THSD7B: variants seen among roughly 807,000 people sequenced by gnomAD.
The protein encoded by THSD7B is thrombospondin type 1 domain containing 7B.
THSD7B carries 138 observed loss-of-function variants against 213.6 expected under a neutral mutation model. The observed-to-expected ratio is 0.65, with a 90% CI of 0.56 to 0.74. THSD7B has a LOEUF of 0.74. THSD7B is among the 30% of genes least tolerant of loss of function. The pLI, the probability that THSD7B is intolerant of heterozygous loss-of-function variation, is 0.00. For missense variants in THSD7B, 1,931 were observed against 1,991.5 expected, an observed-to-expected ratio of 0.97 and a Z score of 0.58; for synonymous variants, 742 against 687.0, an observed-to-expected ratio of 1.08 and a Z score of -1.25.
intron 1 of THSD7B, among the ~76,000 whole-genome samples, chr2:136,793,734 T>C (rs115920950): frequency 0.036 from 5,400 of 152,032 alleles, 307 homozygotes; most frequent in African/African-American, 0.12. Flanking sequence ...GTGTAATTTA[T>C]TTTCTTGTAA....
chr2:137,619,126 T>G (rs1177610854), intron 19 of THSD7B, among the ~76,000 whole-genome samples: 1 of 152,220 alleles, frequency 6.6e-6, no homozygotes, highest in Non-Finnish European at 1.5e-5. Context: ...GTTGGCATTT[T>G]CTTGCCAACA....
intron 15 of THSD7B, among the ~76,000 whole-genome samples, chr2:137,557,012 C>T (rs1257222914): frequency 6.6e-6 from 1 of 152,122 alleles, no homozygotes; most frequent in Non-Finnish European, 1.5e-5. Flanking sequence ...TATATATGCA[C>T]CCAATACAGG....
At chr2:137,602,331 G>T (rs548963516) in intron 17 of THSD7B, among the ~76,000 whole-genome samples, 2 of 151,886 alleles carry the variant, frequency 1.3e-5, no homozygotes, top group Admixed American at 1.3e-4. Flanking sequence ...GTGCAGTGGC[G>T]CAATCTTGGC....
At chr2:137,202,957 G>A (rs1558956860) in intron 7 of THSD7B, among the ~76,000 whole-genome samples, 2 of 152,118 alleles carry the variant, frequency 1.3e-5, no homozygotes, top group African/African-American at 4.8e-5. Flanking sequence ...GGATAGATAG[G>A]TGATACATGT....
chr2:137,072,412 A>T (rs939689098), intron 3 of THSD7B, among the ~76,000 whole-genome samples: 2 of 149,374 alleles, frequency 1.3e-5, no homozygotes, highest in African/African-American at 5.0e-5. Flanking sequence ...TCTGTCTGTT[A>T]TTGGTGTATA....
chr2:137,267,933 T>G (rs1421411462), intron 10 of THSD7B, among the ~76,000 whole-genome samples: 1 of 152,204 alleles, frequency 6.6e-6, no homozygotes, highest in African/African-American at 2.4e-5. Context: ...CATCACTTTC[T>G]GAGAGCTACT....
intron 7 of THSD7B, among the ~76,000 whole-genome samples, chr2:137,211,147 C>G (rs1325223944): frequency 1.3e-5 from 2 of 151,858 alleles, no homozygotes; most frequent in Admixed American, 6.6e-5. Flanking sequence ...CCTCAAATAT[C>G]TTTCACTTTG....
intron 2 of THSD7B, among the ~76,000 whole-genome samples, chr2:136,999,683 G>A (rs921696784): frequency 2.6e-5 from 4 of 151,994 alleles, no homozygotes; most frequent in Non-Finnish European, 5.9e-5. Context: ...GCATTGTGAG[G>A]AGAAACTCAC....
chr2:136,803,941 C>T (rs192017086), intron 1 of THSD7B, among the ~76,000 whole-genome samples: 14 of 152,262 alleles, frequency 9.2e-5, no homozygotes, highest in Middle Eastern at 3.4e-3. Flanking sequence ...ATGGACTGGA[C>T]GAGGCCCAGT....
intron 1 of THSD7B, among the ~76,000 whole-genome samples, chr2:136,858,998 T>TG (rs1291681728): frequency 6.6e-6 from 1 of 152,216 alleles, no homozygotes; most frequent in African/African-American, 2.4e-5. Flanking sequence ...AAATGCTGGT[T>TG]GGGCTGACAG....
chr2:137,627,428 G>A (rs1682652098), intron 20 of THSD7B, among the ~76,000 whole-genome samples: 1 of 152,196 alleles, frequency 6.6e-6, no homozygotes, highest in South Asian at 2.1e-4. Context: ...TGGGAAGGGA[G>A]GATGGGATAC....
chr2:136,775,883 G>T (rs1438419349), intron 1 of THSD7B, among the ~76,000 whole-genome samples: 1 of 152,116 alleles, frequency 6.6e-6, no homozygotes, highest in African/African-American at 2.4e-5. Context: ...TCATCAAGAA[G>T]ACATTTCTTC....
In THSD7B at chr2:136,868,728, C is replaced by T. The variant is rs552168224; in HGVS notation, c.-35-13416C>T. ...TTCTTATAAAGCTCCTTAGAGTAAC[C>T]GTTAAATGTCAGCCTACATAAAATC... On this transcript the variant is annotated intron_variant, in intron 1 of 27. Coordinates refer to ENST00000409968, the MANE Select transcript of THSD7B (RefSeq NM_001316349.2). Among the ~76,000 whole-genome samples the T allele has an allele frequency of 3.9e-5, 6 of 152,062 alleles. No homozygotes were observed. In the South Asian group the frequency reaches 6.2e-4, roughly 16 times the overall value.
At position 137,056,731 on chromosome 2, in the gene THSD7B, C is replaced by A; in HGVS notation, c.451C>A (p.Arg151=). 2 of 1,613,946 alleles carry A rather than the reference C, an allele frequency of 1.2e-6. No homozygotes were observed. The highest frequency in any genetic ancestry group is 1.1e-5 in the South Asian group (1 of 91,076). ...RMVRCIQKLN[R]TVVANEICEH... ...GGTGCGCTGCATTCAGAAGCTGAAC[C>A]GAACTGTGGTTGCAAATGAAATATG... Residue 151 remains arginine, a synonymous_variant, in exon 3 of 28, where the codon CGA becomes AGA. Transcript: ENST00000409968.
intron 10 of THSD7B, among the ~76,000 whole-genome samples, chr2:137,268,908 G>C (rs556325798): frequency 3.5e-4 from 53 of 152,260 alleles, no homozygotes; most frequent in African/African-American, 1.2e-3. Context: ...CACCACTTAA[G>C]TCTGTTGTGT....
intron 2 of THSD7B, among the ~76,000 whole-genome samples, chr2:136,927,140 ACTATTTATC>A (rs1214227752): frequency 6.6e-6 from 1 of 150,710 alleles, no homozygotes; most frequent in African/African-American, 2.4e-5. Flanking sequence ...GCAATATGGA[ACTATTTATC>A]CTTCTAGGAA....
At chr2:137,061,763 A>G (rs974145107) in intron 3 of THSD7B, among the ~76,000 whole-genome samples, 1 of 151,790 alleles carries the variant, frequency 6.6e-6, no homozygotes, top group African/African-American at 2.4e-5. Context: ...TTGACTTGCT[A>G]GTATTTTATT....
chr2:137,073,796 A>G (rs1029938389), intron 3 of THSD7B, among the ~76,000 whole-genome samples: 16 of 152,074 alleles, frequency 1.1e-4, no homozygotes, highest in African/African-American at 2.9e-4. Flanking sequence ...CTTTGTTCTC[A>G]TTGGTTTCAA....
intron 15 of THSD7B, among the ~76,000 whole-genome samples, chr2:137,533,052 A>G (rs1558829682): frequency 6.6e-6 from 1 of 151,050 alleles, no homozygotes; most frequent in Non-Finnish European, 1.5e-5. Flanking sequence ...ATTTATATAT[A>G]AATAATGTTA....
Sources: allele counts gnomAD v4.1 joint callset (sites outside exome capture counted in the v4.1 genomes callset), GRCh38; gene constraint gnomAD v4.1.1; transcripts MANE v1.5; gene names NCBI Gene and HGNC (gene_info 2026-07-23, HGNC 2026-07-21).